Variants in SV2B observed in about 807,000 individuals in gnomAD.
SV2B encodes synaptic vesicle glycoprotein 2B.
In SV2B, 41 loss-of-function variants were observed where a neutral mutation model predicts 73.9. The observed-to-expected ratio is 0.56, with a 90% CI of 0.43 to 0.72. The LOEUF (loss-of-function observed/expected upper bound fraction) is 0.72. Ranked by LOEUF, SV2B falls within the 30% of genes least tolerant of loss-of-function variation. The pLI is 0.00. For synonymous variants in SV2B, 314 were observed against 314.2 expected, an observed-to-expected ratio of 1.00 and a Z score of 0.01; for missense variants, 764 against 857.8, an observed-to-expected ratio of 0.89 and a Z score of 1.37.
intron 1 of SV2B, among the ~76,000 whole-genome samples, chr15:91,147,965 CTTTTTTTTTTTTTTTT>C (rs60896008): frequency 2.0e-4 from 8 of 39,298 alleles, no homozygotes; most frequent in South Asian, 1.5e-3. Context: ...CCCCCCCCAA[CTTTTTTTTTTTTTTTT>C]TTTTTTTTTT....
Position 91,258,322 on chromosome 15 carries a change from C to T in SV2B, c.785-99C>T, listed in dbSNP as rs2047775011. On this transcript the variant is annotated intron_variant, in intron 4 of 12. Coordinates refer to ENST00000394232, the MANE Select transcript of SV2B (RefSeq NM_001323032.3). This position sits in a 1 kb window ranked among gnomAD's most constrained non-coding sequence, Gnocchi z 4.7. ...TTTAACCACCTCCCCGGGTGACTCT[C>T]TTGTGCCCTGAAGTTTGTGAGCCAG... is the stretch of plus-strand genomic sequence containing the variant. The T allele has an allele frequency of 2.6e-6, 4 of 1,534,604 alleles. No individual in the cohort carries two copies. Among genetic ancestry groups the T allele is most frequent in the Non-Finnish European group, 1.8e-6 (2 of 1,137,780 alleles).
At chr15:91,181,781 G>A (rs2044584753) in intron 1 of SV2B, among the ~76,000 whole-genome samples, 1 of 151,504 alleles carries the variant, frequency 6.6e-6, no homozygotes, top group Non-Finnish European at 1.5e-5. Context: ...TTTCATGTAG[G>A]AGTCATGGTT....
intron 1 of SV2B, among the ~76,000 whole-genome samples, chr15:91,111,212 G>A (rs535598359): frequency 6.6e-6 from 1 of 152,300 alleles, no homozygotes; most frequent in African/African-American, 2.4e-5. Context: ...AGGTTTCTCA[G>A]TTTTACCTGT....
rs1161236079 is a variant in SV2B at position 91,241,526 on chromosome 15, T to G, written c.452-10293T>G. The stretch of plus-strand genomic sequence containing the variant: ...TGGTTATTTTGTGTCTTATCCACTA[T>G]TTTCCAATTTCCAGCATCTCTTCCT... On this transcript the variant is annotated intron_variant, in intron 2 of 12. Coordinates refer to ENST00000394232, the MANE Select transcript of SV2B (RefSeq NM_001323032.3). This position sits in a 1 kb window ranked among gnomAD's most constrained non-coding sequence, Gnocchi z 4.8. Among the ~76,000 whole-genome samples, 4 of 152,190 alleles carry G rather than the reference T, an allele frequency of 2.6e-5. No individual in the cohort carries two copies. The highest frequency in any genetic ancestry group is 5.9e-5 in the Non-Finnish European group (4 of 68,042).
chr15:91,180,253 C>T (rs112804805), intron 1 of SV2B, among the ~76,000 whole-genome samples: 141 of 152,152 alleles, frequency 9.3e-4, no homozygotes, highest in African/African-American at 2.8e-3. Context: ...GAGTTTCTGC[C>T]GAGAGATCAG....
rs1291778922 is a variant in SV2B, at chr15:91,277,158, TGTTGGGTTGCAA to T, written c.1374-4567_1374-4556del. Among the ~76,000 whole-genome samples the T allele has an allele frequency of 3.9e-5, 6 of 152,328 alleles. No homozygotes were observed. The East Asian group carries it at 1.2e-3, about 29-fold the overall frequency. Reference sequence around the variant, plus strand: ...TCTTGCTTCTTTGTATGTCTTGTAATGTTGGGTTGCAAGTCAGATGTTTTGTATGACAGTAGG... The same window carrying T: ...TCTTGCTTCTTTGTATGTCTTGTAATGTCAGATGTTTTGTATGACAGTAGG... On this transcript the variant is annotated intron_variant, in intron 9 of 12. Transcript: ENST00000394232.
rs370290337 is a variant in SV2B at position 91,221,693 on chromosome 15, G to GCGCGCACACACACACACA, written c.-391-4179_-391-4178insGCGCACACACACACACAC. On this transcript the variant is annotated intron_variant, in intron 1 of 12. Transcript: ENST00000394232. ...CTGTGGACTATTACCAAGCATGTGC[G>GCGCGCACACACACACACA]CACACACACACACACACACACACAC... Among the ~76,000 whole-genome samples the GCGCGCACACACACACACA allele has an allele frequency of 3.2e-3, 449 of 140,144 alleles. 6 individuals are homozygous for GCGCGCACACACACACACA. Among genetic ancestry groups the GCGCGCACACACACACACA allele is most frequent in the African/African-American group, 0.012 (436 of 35,804 alleles). The allele number at this position is 140,144 out of a possible 152,430, so 91.9% of individuals were successfully genotyped here. A position where few individuals can be genotyped will look rare whatever the true frequency, so the allele number is the denominator to read the frequency against.
intron 2 of SV2B, among the ~76,000 whole-genome samples, chr15:91,246,728 T>A (rs1288492312): frequency 1.3e-5 from 2 of 151,716 alleles, no homozygotes; most frequent in East Asian, 3.9e-4. Context: ...CTCCTCCTCC[T>A]CCTCCTCCTC....
Position 91,267,046 on chromosome 15 carries a change from T to G in SV2B, c.1119+354T>G. On this transcript the variant is annotated intron_variant, in intron 7 of 12. Coordinates refer to ENST00000394232, the MANE Select transcript of SV2B (RefSeq NM_001323032.3). The surrounding 1 kb of genome is among the most constrained non-coding windows in gnomAD (Gnocchi z 4.3). ...AGTAAAATAAATGACCCCTTGAGGC[T>G]TGTTCTTGATTTCCAAGAAACATTT... 1 of 190,858 alleles carries G rather than the reference T, an allele frequency of 5.2e-6. No homozygotes were observed. The allele number at this position is 190,858 out of a possible 1,614,324, so 11.8% of individuals were successfully genotyped here.
At chr15:91,109,193 G>C (rs939552619) in intron 1 of SV2B, among the ~76,000 whole-genome samples, 1 of 152,234 alleles carries the variant, frequency 6.6e-6, no homozygotes, top group Non-Finnish European at 1.5e-5. Flanking sequence ...AAAAGTGGAT[G>C]CACAATCTCA....
intron 6 of SV2B, among the ~76,000 whole-genome samples, chr15:91,263,257 C>T (rs543455651): frequency 8.2e-6 from 1 of 121,460 alleles, no homozygotes. Flanking sequence ...CACAGGAACA[C>T]ACGGACACAG....
At position 91,292,559 on chromosome 15, in the gene SV2B, T is replaced by A. The variant is rs1269151030; in HGVS notation, c.*7T>A. 6 of 1,608,142 alleles carry A rather than the reference T, an allele frequency of 3.7e-6. No homozygotes were observed. Among genetic ancestry groups the A allele is most frequent in the Non-Finnish European group, 5.1e-6 (6 of 1,177,848 alleles). Reference sequence around the variant, plus strand: ...AGAACAGGTCCTGATGTGAACAACCTATGGGAAAAGGAAAGGTCGAGAGAA... The same window carrying A: ...AGAACAGGTCCTGATGTGAACAACCAATGGGAAAAGGAAAGGTCGAGAGAA... On this transcript the variant is annotated 3_prime_UTR_variant, in exon 13 of 13. Transcript: ENST00000394232.
rs371165992 is a variant in SV2B at position 91,203,641 on chromosome 15, A to G, written c.-391-22232A>G. Among the ~76,000 whole-genome samples the G allele has an allele frequency of 7.9e-5, 12 of 152,282 alleles. 3 individuals carry two copies. The highest frequency in any genetic ancestry group is 2.9e-4 in the African/African-American group (12 of 41,566). ...TCGAGTGAAAATAAAAATAATCTGGATTCCTTCATCTGGGCATTTTCTTTG... is the reference window on the plus strand; with the variant it reads ...TCGAGTGAAAATAAAAATAATCTGGGTTCCTTCATCTGGGCATTTTCTTTG... On this transcript the variant is annotated intron_variant, in intron 1 of 12. Coordinates refer to ENST00000394232, the MANE Select transcript of SV2B (RefSeq NM_001323032.3).
chr15:91,133,172 A>T (rs1295422682), intron 1 of SV2B, among the ~76,000 whole-genome samples: 2 of 152,200 alleles, frequency 1.3e-5, no homozygotes, highest in African/African-American at 4.8e-5. Flanking sequence ...GTGCATTTGT[A>T]GGAATTAAGC....
chr15:91,251,776 T>C (rs764598588), intron 2 of SV2B, 43 bp from the exon 3 acceptor site: 1 of 1,579,766 alleles, frequency 6.3e-7, no homozygotes, highest in Non-Finnish European at 8.6e-7. Context: ...CTTAATCTTT[T>C]GTCTTTTCTC....
rs548326184 is a variant in SV2B at position 91,215,782 on chromosome 15, C to T, written c.-391-10091C>T. Reference sequence around the variant, plus strand: ...TATTTACCTAACCCTTGTTATGTGACGTATGGCTTGTTTTCAAGGGTTGAT... The same window carrying T: ...TATTTACCTAACCCTTGTTATGTGATGTATGGCTTGTTTTCAAGGGTTGAT... On this transcript the variant is annotated intron_variant, in intron 1 of 12. Coordinates refer to ENST00000394232, the MANE Select transcript of SV2B (RefSeq NM_001323032.3). 1.4e-3 allele frequency among the ~76,000 whole-genome samples: 213 copies of T among 152,046 alleles called. 3 individuals carry two copies. The highest frequency in any genetic ancestry group is 5.0e-3 in the African/African-American group (207 of 41,466).
rs1304934486 is a variant in SV2B at position 91,298,755 on chromosome 15, G to C, written c.*6203G>C. On this transcript the variant is annotated 3_prime_UTR_variant, in exon 13 of 13. Transcript: ENST00000394232. The surrounding 1 kb of genome is among the most constrained non-coding windows in gnomAD (Gnocchi z 5.4). ...AATATGTATTCCTTTAGAAAGCAAA[G>C]GTCTTTCAGAAGCTGTCCTCTACCA... 1 of 152,094 alleles carries C rather than the reference G, an allele frequency of 6.6e-6. No homozygotes were observed. Among genetic ancestry groups the C allele is most frequent in the Non-Finnish European group, 1.5e-5 (1 of 68,022 alleles). The allele number at this position is 152,094 out of a possible 1,614,324, so 9.4% of individuals were successfully genotyped here.
chr15:91,154,031 A>G (rs1410718854), intron 1 of SV2B, among the ~76,000 whole-genome samples: 1 of 151,764 alleles, frequency 6.6e-6, no homozygotes, highest in Non-Finnish European at 1.5e-5. Context: ...GAAAAAGACT[A>G]TAGAATAATG....
chr15:91,252,852 A>G lies in SV2B; in HGVS notation c.784+332A>G, dbSNP rs2047544252. ...CCTCCAGCCCTCCTCCCCCTGAGCA[A>G]CTTGGGCTTTGGTAACCTGATTTAA... On this transcript the variant is annotated intron_variant, in intron 4 of 12. Coordinates refer to ENST00000394232, the MANE Select transcript of SV2B (RefSeq NM_001323032.3). The surrounding 1 kb of genome is among the most constrained non-coding windows in gnomAD (Gnocchi z 4.6). Among the ~76,000 whole-genome samples, 1 of 151,834 alleles carries G rather than the reference A, an allele frequency of 6.6e-6. No individual in the cohort carries two copies. The highest frequency in any genetic ancestry group is 1.5e-5 in the Non-Finnish European group (1 of 67,990).
Sources: gnomAD v4.1 joint callset for allele counts (sites outside exome capture counted in the v4.1 genomes callset) on GRCh38, gnomAD v4.1.1 for gene constraint, Gnocchi (gnomAD v3.1) non-coding constraint, MANE v1.5 for transcripts, NCBI Gene and HGNC (gene_info 2026-07-23, HGNC 2026-07-21) for gene names.